Variants in MAP4K3 observed in about 807,000 individuals in gnomAD.
The protein encoded by MAP4K3 is mitogen-activated protein kinase kinase kinase kinase 3, also known as MAPK/ERK kinase kinase kinase 3.
In MAP4K3, 94 loss-of-function variants were observed where a neutral mutation model predicts 143.5. The observed-to-expected ratio is 0.65, with a 90% CI of 0.55 to 0.78. The LOEUF (loss-of-function observed/expected upper bound fraction) is 0.78, where lower values mean the gene tolerates loss of function less well. Among genes scored for constraint, MAP4K3 ranks in the 30% least tolerant of loss-of-function variants. MAP4K3 has a pLI of 0.00. For missense variants in MAP4K3, 1,077 were observed against 1,068.1 expected (o/e 1.01, Z -0.12); for synonymous variants, 416 against 347.2 (o/e 1.20, Z -2.20).
At chr2:39,265,453 G>T in intron 27 of MAP4K3, 147 bp from the exon 28 acceptor site, 1 of 677,984 alleles carries the variant, frequency 1.5e-6, no homozygotes. Flanking sequence ...CTTAATTAGA[G>T]GGCTGGGTGA....
chr2:39,308,326 C>T (rs1221480067), intron 14 of MAP4K3, among the ~76,000 whole-genome samples: 2 of 152,142 alleles, frequency 1.3e-5, no homozygotes, highest in African/African-American at 2.4e-5. Flanking sequence ...TTAATTTTCT[C>T]CACCCCTCTT....
intron 8 of MAP4K3, 88 bp from the exon 9 acceptor site, chr2:39,326,365 C>A: frequency 7.0e-7 from 1 of 1,434,450 alleles, no homozygotes; most frequent in Non-Finnish European, 9.5e-7. Context: ...TTATCACTAT[C>A]TAAATTAAGG....
At chr2:39,436,697 T>G in intron 1 of MAP4K3, 195 bp downstream of exon 1, 1 of 586,512 alleles carries the variant, frequency 1.7e-6, no homozygotes, top group East Asian at 2.9e-5. Flanking sequence ...AGGTAAGGGC[T>G]GGGGAGGTCT....
intron 2 of MAP4K3, 105 bp from the exon 3 acceptor site, chr2:39,356,444 A>C (rs560649759): frequency 1.5e-6 from 1 of 650,056 alleles, no homozygotes; most frequent in South Asian, 1.9e-5. Flanking sequence ...AGTATAACAT[A>C]ATTAATGAGT....
chr2:39,379,219 G>A (rs190444442), intron 1 of MAP4K3, among the ~76,000 whole-genome samples: 1 of 152,016 alleles, frequency 6.6e-6, no homozygotes, highest in African/African-American at 2.4e-5. Flanking sequence ...AAAAATACCA[G>A]CCAAAGATCT....
At chr2:39,397,612 C>T (rs909258185) in intron 1 of MAP4K3, among the ~76,000 whole-genome samples, 1 of 152,156 alleles carries the variant, frequency 6.6e-6, no homozygotes, top group Non-Finnish European at 1.5e-5. Context: ...ACTAGAAAGG[C>T]TGATTCTAAA....
At chr2:39,267,982 T>C (rs1034471061) in intron 26 of MAP4K3, among the ~76,000 whole-genome samples, 3 of 152,148 alleles carry the variant, frequency 2.0e-5, no homozygotes, top group African/African-American at 7.2e-5. Context: ...AGCCAAAAAC[T>C]GGAGAGAGCT....
chr2:39,344,052 C>G (rs1447035944), intron 3 of MAP4K3, among the ~76,000 whole-genome samples: 1 of 152,058 alleles, frequency 6.6e-6, no homozygotes, highest in Admixed American at 6.5e-5. Context: ...TAAAAATGTA[C>G]CAGGAAATGT....
intron 4 of MAP4K3, among the ~76,000 whole-genome samples, chr2:39,341,956 G>T (rs912662275): frequency 1.3e-5 from 2 of 151,748 alleles, no homozygotes; most frequent in Admixed American, 6.6e-5. Flanking sequence ...TTTTCATAAA[G>T]CAGAAACCTT....
At chr2:39,323,232 TTTATAA>T (rs1222212821) in intron 12 of MAP4K3, 1 of 152,206 alleles carries the variant, frequency 6.6e-6, no homozygotes, top group Admixed American at 6.5e-5. Flanking sequence ...TTTGTAACAA[TTTATAA>T]TTATAATACC....
chr2:39,361,620 TAAAAC>T (rs1209202078), intron 2 of MAP4K3, among the ~76,000 whole-genome samples: 1 of 151,816 alleles, frequency 6.6e-6, no homozygotes, highest in Non-Finnish European at 1.5e-5. Flanking sequence ...GAATAAGCTT[TAAAAC>T]CCATAGGCTC....
chr2:39,318,102 G>A (rs1340257656), intron 12 of MAP4K3, among the ~76,000 whole-genome samples: 2 of 152,140 alleles, frequency 1.3e-5, no homozygotes, highest in East Asian at 3.8e-4. Flanking sequence ...GCAGCAACAA[G>A]GATGGAGCTG....
chr2:39,281,920 G>A (rs1297227081), intron 22 of MAP4K3, among the ~76,000 whole-genome samples: 5 of 151,930 alleles, frequency 3.3e-5, no homozygotes, highest in African/African-American at 1.2e-4. Flanking sequence ...ACGGCAAGGC[G>A]TGGTGGCTCA....
chr2:39,318,866 G>A (rs1308786395), intron 12 of MAP4K3, among the ~76,000 whole-genome samples: 1 of 152,146 alleles, frequency 6.6e-6, no homozygotes, highest in African/African-American at 2.4e-5. Context: ...AGAATGTCAA[G>A]TTTGTACGGG....
chr2:39,278,590 AGAATTACTAT>A, intron 23 of MAP4K3, 104 bp from the exon 24 acceptor site: 1 of 630,226 alleles, frequency 1.6e-6, no homozygotes, highest in Non-Finnish European at 2.7e-6. Context: ...ATATAAAACA[AGAATTACTAT>A]GATTTATAAG....
chr2:39,373,802 G>A (rs1204192022), intron 2 of MAP4K3, among the ~76,000 whole-genome samples: 1 of 152,172 alleles, frequency 6.6e-6, no homozygotes, highest in Non-Finnish European at 1.5e-5. Context: ...AGCTTACAGG[G>A]CTTGGTGGGG....
intron 1 of MAP4K3, among the ~76,000 whole-genome samples, chr2:39,416,897 A>G (rs1175137591): frequency 6.6e-6 from 1 of 152,174 alleles, no homozygotes; most frequent in African/African-American, 2.4e-5. Context: ...GAGCCTTGGG[A>G]AAAAAACTAC....
intron 1 of MAP4K3, among the ~76,000 whole-genome samples, chr2:39,413,932 A>C (rs1667299294): frequency 1.3e-5 from 2 of 152,184 alleles, no homozygotes; most frequent in South Asian, 4.1e-4. Flanking sequence ...TCCTCATATC[A>C]ATATCTACAT....
At chr2:39,351,596 G>A (rs897508641) in intron 3 of MAP4K3, among the ~76,000 whole-genome samples, 16 of 152,284 alleles carry the variant, frequency 1.1e-4, no homozygotes, top group African/African-American at 3.6e-4. Context: ...AAATGGTGGT[G>A]ATTTACTTAT....
Sources: allele counts gnomAD v4.1 joint callset (sites outside exome capture counted in the v4.1 genomes callset), GRCh38; gene constraint gnomAD v4.1.1; transcripts MANE v1.5; gene names NCBI Gene and HGNC (gene_info 2026-07-23, HGNC 2026-07-21).